CCDC38: variants seen among roughly 807,000 people sequenced by gnomAD.
CCDC38 encodes coiled-coil domain containing 38.
Under a neutral mutation model 72.8 loss-of-function variants are expected in CCDC38, and 69 were observed. The observed-to-expected ratio is 0.95, with a 90% CI of 0.78 to 1.16. The LOEUF (loss-of-function observed/expected upper bound fraction) is 1.16, where lower values mean the gene tolerates loss of function less well. Among genes scored for constraint, CCDC38 ranks in the 50% most tolerant of loss-of-function variants. The pLI is 0.00. For missense variants in CCDC38, 626 were observed against 638.9 expected (o/e 0.98, Z 0.22); for synonymous variants, 201 against 213.2 (o/e 0.94, Z 0.50).
chr12:95,914,621 C>G (rs1565960210), intron 4 of CCDC38, among the ~76,000 whole-genome samples: 1 of 152,158 alleles, frequency 6.6e-6, no homozygotes, highest in African/African-American at 2.4e-5. Context: ...ACAAAATGAA[C>G]TATTCCTTAG....
intron 10 of CCDC38, among the ~76,000 whole-genome samples, chr12:95,886,124 A>G (rs1220368451): frequency 2.6e-5 from 4 of 152,198 alleles, no homozygotes; most frequent in Non-Finnish European, 4.4e-5. Context: ...GACAGCCACA[A>G]AGATCAATGG....
chr12:95,928,493 C>T (rs535787636), intron 2 of CCDC38, among the ~76,000 whole-genome samples: 88 of 152,240 alleles, frequency 5.8e-4, no homozygotes, highest in African/African-American at 1.9e-3. Context: ...AATTTCCTCC[C>T]GTAGCTCGGA....
intron 10 of CCDC38, among the ~76,000 whole-genome samples, chr12:95,886,702 A>G (rs1243181333): frequency 6.6e-6 from 1 of 152,240 alleles, no homozygotes; most frequent in Non-Finnish European, 1.5e-5. Flanking sequence ...AAACAAGCAC[A>G]CGACAAGATG....
intron 8 of CCDC38, among the ~76,000 whole-genome samples, chr12:95,892,865 G>A (rs925240709): frequency 6.6e-5 from 10 of 151,954 alleles, no homozygotes; most frequent in South Asian, 2.1e-4. Flanking sequence ...CACCACACCC[G>A]GACTTAAATT....
At chr12:95,917,936 T>A (rs1232080550) in intron 3 of CCDC38, among the ~76,000 whole-genome samples, 1 of 151,774 alleles carries the variant, frequency 6.6e-6, no homozygotes, top group Non-Finnish European at 1.5e-5. Context: ...GAAAGGGATC[T>A]CCCCAGTAGA....
chr12:95,930,428 G>A (rs2080325715), intron 2 of CCDC38, among the ~76,000 whole-genome samples: 1 of 152,074 alleles, frequency 6.6e-6, no homozygotes, highest in Non-Finnish European at 1.5e-5. Context: ...TGAAATTCCT[G>A]GGATTCCTTG....
At chr12:95,912,420 T>C (rs1322573770) in intron 4 of CCDC38, among the ~76,000 whole-genome samples, 1 of 151,528 alleles carries the variant, frequency 6.6e-6, no homozygotes, top group Non-Finnish European at 1.5e-5. Flanking sequence ...GTTGACCTCA[T>C]AGAAGTAGAG....
chr12:95,943,066 A>C, upstream of CCDC38: 1 of 251,900 alleles, frequency 4.0e-6, no homozygotes, highest in Non-Finnish European at 7.6e-6. Context: ...TGATCCACAC[A>C]GCTCACTTTG....
chr12:95,903,652 T>A (rs745503520), intron 5 of CCDC38: 1 of 499,398 alleles, frequency 2.0e-6, no homozygotes, highest in Non-Finnish European at 3.5e-6. Context: ...GATAATCATA[T>A]GGGTTTTCAT....
chr12:95,925,661 A>C (rs369165162), intron 2 of CCDC38, among the ~76,000 whole-genome samples: 2 of 152,088 alleles, frequency 1.3e-5, no homozygotes, highest in African/African-American at 4.8e-5. Flanking sequence ...CATTCAGTAT[A>C]ATATTGGCTG....
intron 3 of CCDC38, among the ~76,000 whole-genome samples, chr12:95,917,802 T>C (rs955539172): frequency 1.4e-5 from 2 of 139,346 alleles, no homozygotes; most frequent in African/African-American, 5.4e-5. Flanking sequence ...AACCTGGTGG[T>C]AAAGGTGGCA....
intron 13 of CCDC38, among the ~76,000 whole-genome samples, chr12:95,875,717 A>T (rs2079628561): frequency 6.6e-6 from 1 of 152,166 alleles, no homozygotes; most frequent in South Asian, 2.1e-4. Flanking sequence ...TCACATCTCT[A>T]GAAGACACTA....
At chr12:95,908,446 A>AG (rs200488878) in intron 4 of CCDC38, among the ~76,000 whole-genome samples, 453 of 1,628 alleles carry the variant, frequency 0.28, 12 homozygotes, top group Middle Eastern at 0.5. Flanking sequence ...CCGTGGAAAG[A>AG]GGGAGAGGGA....
At chr12:95,890,011 A>C (rs2079806316) in intron 9 of CCDC38, among the ~76,000 whole-genome samples, 1 of 152,114 alleles carries the variant, frequency 6.6e-6, no homozygotes, top group African/African-American at 2.4e-5. Flanking sequence ...TGCTGGGCTC[A>C]AGCGATCCTC....
chr12:95,878,495 A>G lies in CCDC38; in HGVS notation c.1143-149T>C, dbSNP rs79796973. ...GTATTTGAAGACATTGCCAAAGTAC[A>G]TGCAACTTTTCAAGTTAAAATGAGA... On this transcript the variant is annotated intron_variant, in intron 12 of 15. Coordinates refer to ENST00000344280, the MANE Select transcript of CCDC38 (RefSeq NM_182496.3). The G allele has an allele frequency of 1.1e-4, 81 of 704,940 alleles. No homozygotes were observed. In the African/African-American group the frequency reaches 1.3e-3, roughly 11 times the overall value. 43.7% of individuals were successfully genotyped at this position (704,940 alleles called of 1,614,324 possible). A position where few individuals can be genotyped will look rare whatever the true frequency, so the allele number is the denominator to read the frequency against.
At chr12:95,937,149 C>T (rs921362463) in intron 1 of CCDC38, among the ~76,000 whole-genome samples, 2 of 152,214 alleles carry the variant, frequency 1.3e-5, no homozygotes, top group South Asian at 4.2e-4. Flanking sequence ...TTATAAAATT[C>T]CAAATAAATG....
chr12:95,933,318 C>A (rs2080357602), intron 2 of CCDC38: 1 of 152,040 alleles, frequency 6.6e-6, no homozygotes, highest in Non-Finnish European at 1.5e-5. Context: ...TATACCACAT[C>A]TACAAAACTG....
chr12:95,890,017 T>C (rs1407509851), intron 9 of CCDC38, among the ~76,000 whole-genome samples: 1 of 152,130 alleles, frequency 6.6e-6, no homozygotes, highest in Non-Finnish European at 1.5e-5. Context: ...GCTCAAGCGA[T>C]CCTCCTACCT....
In CCDC38 at chr12:95,877,616, T is replaced by C. The variant is rs201003345; in HGVS notation, c.1278+595A>G. ...TCATCATTCATTCAACAAACATTTA[T>C]TGAGCACCAACTTTAAAGGGACCCT... On this transcript the variant is annotated intron_variant, in intron 13 of 15. Transcript: ENST00000344280. Among the ~76,000 whole-genome samples, 18 of 152,332 alleles carry C rather than the reference T, an allele frequency of 1.2e-4. No homozygotes were observed. In the East Asian group the frequency reaches 2.9e-3, roughly 24 times the overall value.
Sources: gnomAD v4.1 joint callset for allele counts (sites outside exome capture counted in the v4.1 genomes callset) on GRCh38, gnomAD v4.1.1 for gene constraint, MANE v1.5 for transcripts, NCBI Gene and HGNC (gene_info 2026-07-23, HGNC 2026-07-21) for gene names.